ADGB: variants seen among roughly 807,000 people sequenced by gnomAD.
ADGB encodes calpain-7-like protein.
Under a neutral mutation model 210.5 loss-of-function variants are expected in ADGB, and 172 were observed. The observed-to-expected ratio is 0.82, with a 90% confidence interval of 0.72 to 0.93. ADGB has a LOEUF of 0.93. ADGB is among the 40% of genes least tolerant of loss of function. ADGB has a pLI of 0.00. For synonymous variants in ADGB, 658 were observed against 662.7 expected (o/e 0.99, Z 0.11); for missense variants, 2,025 against 1,964.8 (o/e 1.03, Z -0.58).
intron 1 of ADGB, among the ~76,000 whole-genome samples, chr6:146,627,710 T>A (rs1780998011): frequency 6.6e-6 from 1 of 152,146 alleles, no homozygotes; most frequent in Non-Finnish European, 1.5e-5. Flanking sequence ...TAAATATTCG[T>A]AGGTGACTCT....
At chr6:146,766,818 T>A (rs1777583762) in intron 28 of ADGB, among the ~76,000 whole-genome samples, 1 of 152,054 alleles carries the variant, frequency 6.6e-6, no homozygotes, top group African/African-American at 2.4e-5. Flanking sequence ...TAAACATAGG[T>A]GATAAATTGC....
At chr6:146,639,587 C>T (rs2114863605) in intron 2 of ADGB, 1 of 152,080 alleles carries the variant, frequency 6.6e-6, no homozygotes, top group East Asian at 1.9e-4. Flanking sequence ...CAAACTATCC[C>T]TGTTTGCAGA....
intron 30 of ADGB, 34 bp from the exon 31 acceptor site, chr6:146,784,584 A>C: frequency 1.4e-6 from 2 of 1,458,324 alleles, no homozygotes; most frequent in Admixed American, 5.3e-5. Flanking sequence ...AAAGAAGGAA[A>C]GCATGCAAAA....
At chr6:146,712,320 G>A (rs1185994009) in intron 13 of ADGB, among the ~76,000 whole-genome samples, 1 of 151,452 alleles carries the variant, frequency 6.6e-6, no homozygotes, top group Non-Finnish European at 1.5e-5. Flanking sequence ...AAGTAGCTGG[G>A]GCTACAGGCA....
chr6:146,618,951 G>A (rs1290403694), intron 1 of ADGB, among the ~76,000 whole-genome samples: 1 of 151,184 alleles, frequency 6.6e-6, no homozygotes, highest in African/African-American at 2.4e-5. Context: ...TCCTCTATTG[G>A]ATTGAAATCC....
In ADGB at chr6:146,691,289, A is replaced by C; in HGVS notation, c.1485A>C (p.Gln495His). 2.6e-6 allele frequency: 4 copies of C among 1,542,338 alleles called. No homozygotes were observed. In the South Asian group the frequency reaches 4.8e-5, roughly 19 times the overall value. The change falls in exon 11 of 36, where the codon CAA becomes CAC. Residue 495 changes from glutamine (Q) to histidine (H), a missense_variant and splice_region_variant. Gln to His is a conservative substitution (Grantham distance 24). Transcript: ENST00000397944. ...AAACTGTTATAACAGATGAAGCTCAAGGTATGTATCACATCATCTTCAAAT... is the reference window on the plus strand; with the variant it reads ...AAACTGTTATAACAGATGAAGCTCACGGTATGTATCACATCATCTTCAAAT... ...KKETVITDEA[Q>H]ELIVKKPERF...
chr6:146,770,663 G>A (rs139421803), intron 29 of ADGB: 2 of 457,544 alleles, frequency 4.4e-6, no homozygotes, highest in African/African-American at 2.0e-5. Context: ...AGATTCTGAG[G>A]CTGTGTTCAG....
chr6:146,604,990 T>G (rs768256700), intron 1 of ADGB, among the ~76,000 whole-genome samples: 31 of 152,060 alleles, frequency 2.0e-4, no homozygotes, highest in Admixed American at 3.3e-4. Flanking sequence ...CACAGGTTAG[T>G]GGGGCGGTTA....
chr6:146,748,627 C>T (rs948354485), intron 26 of ADGB, among the ~76,000 whole-genome samples: 14 of 152,152 alleles, frequency 9.2e-5, no homozygotes, highest in African/African-American at 3.4e-4. Context: ...CACTTTGTCG[C>T]CCAGCTGGAG....
At chr6:146,777,193 G>A (rs1159090467) in intron 29 of ADGB, among the ~76,000 whole-genome samples, 1 of 151,900 alleles carries the variant, frequency 6.6e-6, no homozygotes, top group Non-Finnish European at 1.5e-5. Context: ...TTTTGAAAGG[G>A]ACTAACAGGT....
intron 12 of ADGB, among the ~76,000 whole-genome samples, chr6:146,699,542 C>G (rs376599527): frequency 2.0e-5 from 3 of 152,196 alleles, no homozygotes; most frequent in African/African-American, 7.2e-5. Context: ...TGGATCTTCT[C>G]TCAATCCACC....
At chr6:146,658,780 T>A (rs1384806080) in intron 5 of ADGB, among the ~76,000 whole-genome samples, 1 of 152,198 alleles carries the variant, frequency 6.6e-6, no homozygotes, top group African/African-American at 2.4e-5. Context: ...GTCCAGTCAT[T>A]TAGCCCACCT....
chr6:146,672,986 A>G (rs1408014927), intron 8 of ADGB, among the ~76,000 whole-genome samples: 1 of 152,002 alleles, frequency 6.6e-6, no homozygotes, highest in Non-Finnish European at 1.5e-5. Context: ...CCGCCTCAGC[A>G]TCCCAAAGTG....
At chr6:146,794,705 C>A (rs1778014267) in intron 33 of ADGB, among the ~76,000 whole-genome samples, 1 of 151,804 alleles carries the variant, frequency 6.6e-6, no homozygotes, top group African/African-American at 2.4e-5. Context: ...AAGCAAGAAG[C>A]AACAATAAAC....
At chr6:146,763,766 C>A in intron 27 of ADGB, 135 bp from the exon 28 acceptor site, 1 of 768,482 alleles carries the variant, frequency 1.3e-6, no homozygotes, top group Non-Finnish European at 2.0e-6. Context: ...ACCAAAAACA[C>A]TGTTTTTTAT....
chr6:146,798,083 C>A (rs1778072611), intron 33 of ADGB, among the ~76,000 whole-genome samples: 1 of 151,850 alleles, frequency 6.6e-6, no homozygotes, highest in Non-Finnish European at 1.5e-5. Flanking sequence ...GAAATTAAGG[C>A]AAATTTAAAC....
Position 146,815,443 on chromosome 6 carries a change from AAT to A in ADGB, c.*229_*230del, listed in dbSNP as rs575101814. ...AAAATAGCTTCCAAATATTTAATAA[AAT>A]ATGTTTGACACTCTAAACTGCCTGC... On this transcript the variant is annotated 3_prime_UTR_variant, in exon 36 of 36. Transcript: ENST00000397944. 205 of 289,766 alleles carry A rather than the reference AAT, an allele frequency of 7.1e-4. 1 individual carries two copies. The highest frequency in any genetic ancestry group is 1.4e-3 in the South Asian group (11 of 8,082). The allele number at this position is 289,766 out of a possible 1,614,324, so 17.9% of individuals were successfully genotyped here. A position where few individuals can be genotyped will look rare whatever the true frequency, so the allele number is the denominator to read the frequency against.
At chr6:146,647,154 CA>C (rs1222624289) in intron 3 of ADGB, among the ~76,000 whole-genome samples, 4 of 140,862 alleles carry the variant, frequency 2.8e-5, no homozygotes, top group African/African-American at 8.0e-5. Flanking sequence ...AACAAACAAA[CA>C]AAAAAAACCA....
chr6:146,608,829 G>T (rs1399120025), intron 1 of ADGB, among the ~76,000 whole-genome samples: 1 of 152,152 alleles, frequency 6.6e-6, no homozygotes, highest in African/African-American at 2.4e-5. Context: ...TGAAAATGGG[G>T]AGAATGTATT....
Sources: allele counts gnomAD v4.1 joint callset (sites outside exome capture counted in the v4.1 genomes callset), GRCh38; gene constraint gnomAD v4.1.1; transcripts MANE v1.5; gene names NCBI Gene and HGNC (gene_info 2026-07-23, HGNC 2026-07-21).